Variants in FAF1 observed in about 807,000 individuals in gnomAD.
FAF1 encodes the protein FAS-associated factor 1.
In FAF1, 25 loss-of-function variants were observed where a neutral mutation model predicts 92.5. That is an observed-to-expected ratio of 0.27 (90% CI 0.20 to 0.38). The LOEUF is 0.38. FAF1 is among the 10% of genes least tolerant of loss of function. The pLI is 1.00. For missense variants in FAF1, 636 were observed against 793.3 expected (o/e 0.80, Z 2.38); for synonymous variants, 234 against 273.2 (o/e 0.86, Z 1.42).
At chr1:50,457,940 G>A (rs1038232404) in intron 18 of FAF1, among the ~76,000 whole-genome samples, 9 of 151,426 alleles carry the variant, frequency 5.9e-5, no homozygotes, top group Non-Finnish European at 8.8e-5. Context: ...TCGACCGGGC[G>A]CGGTGGCTCA....
chr1:50,636,379 CTTTT>C (rs1213567555), intron 8 of FAF1, among the ~76,000 whole-genome samples: 4 of 79,878 alleles, frequency 5.0e-5, no homozygotes, highest in African/African-American at 2.3e-4. Flanking sequence ...GGGGCGTGTC[CTTTT>C]TTTTTTTTTT....
intron 2 of FAF1, among the ~76,000 whole-genome samples, chr1:50,852,793 T>G (rs1038169521): frequency 6.6e-6 from 1 of 152,130 alleles, no homozygotes; most frequent in Non-Finnish European, 1.5e-5. Flanking sequence ...CTGTGAGGAT[T>G]AAGTGAAATA....
intron 12 of FAF1, among the ~76,000 whole-genome samples, chr1:50,580,756 T>A (rs78280022): frequency 0.016 from 2,464 of 152,264 alleles, 72 homozygotes; most frequent in African/African-American, 0.055. Context: ...TAGAATACTT[T>A]CTCTTTGCTT....
rs1351035331 is a variant in FAF1 at position 50,960,113 on chromosome 1, G to C, written c.-302C>G. The C allele has an allele frequency of 5.2e-6, 2 of 384,450 alleles. No individual in the cohort carries two copies. Among genetic ancestry groups the C allele is most frequent in the African/African-American group, 4.2e-5 (2 of 48,004 alleles). 23.8% of individuals were successfully genotyped at this position (384,450 alleles called of 1,614,324 possible). On this transcript the variant is annotated 5_prime_UTR_variant, in exon 1 of 19. The change creates a new upstream start codon in the 5' untranslated region. Coordinates refer to ENST00000396153, the MANE Select transcript of FAF1 (RefSeq NM_007051.3). ...GTCCGGTCTTACAGTCGCGGGCCAG[G>C]ATGAGGGCAGGTTGCGACAGCGCGC...
intron 9 of FAF1, among the ~76,000 whole-genome samples, chr1:50,592,937 C>CA (rs1374336185): frequency 0.13 from 11,976 of 92,112 alleles, 579 homozygotes; most frequent in African/African-American, 0.2. Context: ...GACTCTGTTT[C>CA]AAAAAAAAAA....
intron 2 of FAF1, among the ~76,000 whole-genome samples, chr1:50,833,671 C>T (rs1203364324): frequency 6.6e-6 from 1 of 151,972 alleles, no homozygotes; most frequent in Admixed American, 6.5e-5. Flanking sequence ...GCAACTAGCC[C>T]CCATCCTGAA....
chr1:50,497,540 C>CTTTTTTTTT (rs61258960), intron 15 of FAF1, among the ~76,000 whole-genome samples: 5 of 100,506 alleles, frequency 5.0e-5, no homozygotes, highest in African/African-American at 1.8e-4. Flanking sequence ...ATTCAAAACT[C>CTTTTTTTTT]TTTTTTTTTT....
chr1:50,902,521 G>T (rs1644803903), intron 1 of FAF1, among the ~76,000 whole-genome samples: 1 of 151,808 alleles, frequency 6.6e-6, no homozygotes, highest in Non-Finnish European at 1.5e-5. Flanking sequence ...TACATATGTG[G>T]CTCACACTCT....
At position 50,728,141 on chromosome 1, in the gene FAF1, C is replaced by T. The variant is rs199522504; in HGVS notation, c.551+10722G>A. ...TTACTAATATCACTAATATAATGCA[C>T]GGTAGGGATAAAGCAAGATAGAGAG... On this transcript the variant is annotated intron_variant, in intron 6 of 18. Transcript: ENST00000396153. 5.3e-5 allele frequency among the ~76,000 whole-genome samples: 8 copies of T among 152,038 alleles called. No homozygotes were observed. In the East Asian group the frequency reaches 5.8e-4, roughly 11 times the overall value.
At chr1:50,501,902 G>A (rs1423145239) in intron 15 of FAF1, among the ~76,000 whole-genome samples, 1 of 152,114 alleles carries the variant, frequency 6.6e-6, no homozygotes, top group Non-Finnish European at 1.5e-5. Flanking sequence ...TATAAAATGT[G>A]TACACAAATG....
chr1:50,592,672 G>C (rs1184062974), intron 9 of FAF1, among the ~76,000 whole-genome samples: 1 of 152,152 alleles, frequency 6.6e-6, no homozygotes, highest in Non-Finnish European at 1.5e-5. Flanking sequence ...TGTTGGCTGG[G>C]CACGGTGACT....
At chr1:50,889,609 C>T (rs954023131) in intron 1 of FAF1, among the ~76,000 whole-genome samples, 3 of 152,194 alleles carry the variant, frequency 2.0e-5, no homozygotes, top group Non-Finnish European at 4.4e-5. Context: ...TTTCTGCCTT[C>T]ATTTCGTTAT....
At chr1:50,727,037 G>A (rs1658691132) in intron 6 of FAF1, among the ~76,000 whole-genome samples, 1 of 152,160 alleles carries the variant, frequency 6.6e-6, no homozygotes. Flanking sequence ...TGGCCTTAGG[G>A]CTTTGGCACT....
chr1:50,745,152 T>A (rs1659538698), intron 4 of FAF1, among the ~76,000 whole-genome samples: 1 of 151,888 alleles, frequency 6.6e-6, no homozygotes, highest in African/African-American at 2.4e-5. Context: ...TACAAAAAAA[T>A]TAGCCAAGCG....
chr1:50,937,421 G>A (rs568457847), intron 1 of FAF1, among the ~76,000 whole-genome samples: 10 of 152,026 alleles, frequency 6.6e-5, no homozygotes, highest in Admixed American at 3.9e-4. Flanking sequence ...GGGGCGGGGC[G>A]CAGATTCTGT....
At chr1:50,618,327 T>G (rs1015684893) in intron 8 of FAF1, among the ~76,000 whole-genome samples, 13 of 152,108 alleles carry the variant, frequency 8.5e-5, no homozygotes, top group Non-Finnish European at 1.6e-4. Context: ...CCCAGAGATT[T>G]TGGTAATTTT....
chr1:50,874,185 G>A (rs770618325), intron 1 of FAF1, among the ~76,000 whole-genome samples: 1 of 151,940 alleles, frequency 6.6e-6, no homozygotes, highest in African/African-American at 2.4e-5. Context: ...TTATTCTACT[G>A]GCTGATTTTA....
chr1:50,572,746 T>C (rs150018604), intron 12 of FAF1, among the ~76,000 whole-genome samples: 1 of 152,286 alleles, frequency 6.6e-6, no homozygotes, highest in Non-Finnish European at 1.5e-5. Flanking sequence ...CTTTTCTAGA[T>C]GGGAGTAGTG....
intron 15 of FAF1, among the ~76,000 whole-genome samples, chr1:50,512,364 T>C (rs1417869580): frequency 5.9e-5 from 9 of 152,252 alleles, no homozygotes; most frequent in Admixed American, 6.5e-5. Context: ...AGGGTTTTTA[T>C]GGTTTTAAGT....
Sources: allele counts gnomAD v4.1 joint callset (sites outside exome capture counted in the v4.1 genomes callset), GRCh38; gene constraint gnomAD v4.1.1; transcripts MANE v1.5; gene names NCBI Gene and HGNC (gene_info 2026-07-23, HGNC 2026-07-21).